Variants in DAB1 observed in about 807,000 individuals in gnomAD.
DAB1 encodes the protein DAB adaptor protein 1.
DAB1 carries 15 observed loss-of-function variants against 64.6 expected under a neutral mutation model. The observed-to-expected ratio is 0.23, with a 90% CI of 0.16 to 0.36. The LOEUF (loss-of-function observed/expected upper bound fraction) is 0.36. Among genes scored for constraint, DAB1 ranks in the 10% least tolerant of loss-of-function variants. The pLI is 1.00. For synonymous variants in DAB1, 235 were observed against 251.9 expected, an observed-to-expected ratio of 0.93 and a Z score of 0.64; for missense variants, 596 against 706.7, an observed-to-expected ratio of 0.84 and a Z score of 1.78.
At chr1:57,426,783 A>G (rs1685300712), upstream of DAB1, among the ~76,000 whole-genome samples, 1 of 152,034 alleles carries the variant, frequency 6.6e-6, no homozygotes, top group Non-Finnish European at 1.5e-5. Context: ...ACTTCTGTCT[A>G]CGTCAAAATT....
chr1:57,466,885 C>G (rs887430805), intron 7 of DAB1, among the ~76,000 whole-genome samples: 27 of 152,206 alleles, frequency 1.8e-4, no homozygotes, highest in Non-Finnish European at 3.7e-4. Context: ...AACTCCTTCT[C>G]ACACTTGAAA....
chr1:57,411,033 A>G (rs1279035502), intron 1 of DAB1, among the ~76,000 whole-genome samples: 1 of 152,210 alleles, frequency 6.6e-6, no homozygotes, highest in South Asian at 2.1e-4. Context: ...TTTGGGGAGA[A>G]AGAGTAAGAG....
At chr1:57,702,497 C>T (rs1467580087) in intron 6 of DAB1, among the ~76,000 whole-genome samples, 2 of 152,088 alleles carry the variant, frequency 1.3e-5, no homozygotes, top group Non-Finnish European at 2.9e-5. Context: ...CTCATAATTT[C>T]CTCTAATACT....
chr1:57,500,012 C>A (rs1644272610), intron 7 of DAB1, among the ~76,000 whole-genome samples: 1 of 152,102 alleles, frequency 6.6e-6, no homozygotes, highest in Non-Finnish European at 1.5e-5. Flanking sequence ...ACATTTAGGG[C>A]AATTACCAGT....
chr1:57,032,815 A>G (rs935246160), intron 9 of DAB1, among the ~76,000 whole-genome samples: 2 of 152,196 alleles, frequency 1.3e-5, no homozygotes, highest in African/African-American at 4.8e-5. Context: ...CTTCTGTATC[A>G]ATCAATTTGA....
At chr1:58,118,732 G>C (rs1041958341) in intron 5 of DAB1, among the ~76,000 whole-genome samples, 1 of 149,738 alleles carries the variant, frequency 6.7e-6, no homozygotes, top group African/African-American at 2.5e-5. Flanking sequence ...AATGAAGTAG[G>C]AACTATTTTT....
At chr1:58,091,984 A>C (rs932857566) in intron 5 of DAB1, among the ~76,000 whole-genome samples, 1 of 150,438 alleles carries the variant, frequency 6.6e-6, no homozygotes, top group African/African-American at 2.5e-5. Context: ...ACATAGCTTA[A>C]GTAGCTTTAA....
intron 2 of DAB1, among the ~76,000 whole-genome samples, chr1:57,195,477 T>G (rs498772): frequency 0.23 from 35,775 of 152,248 alleles, 5,051 homozygotes; most frequent in Non-Finnish European, 0.32. Flanking sequence ...GCTGGCCTTT[T>G]CCCATCATAT....
intron 7 of DAB1, among the ~76,000 whole-genome samples, chr1:57,501,311 G>A (rs1386246853): frequency 6.6e-6 from 1 of 152,228 alleles, no homozygotes; most frequent in Non-Finnish European, 1.5e-5. Flanking sequence ...GTACCCCCGT[G>A]TAGTCAGCAC....
At chr1:57,164,123 A>G (rs1661014843) in intron 2 of DAB1, among the ~76,000 whole-genome samples, 1 of 152,176 alleles carries the variant, frequency 6.6e-6, no homozygotes, top group Non-Finnish European at 1.5e-5. Context: ...AAATGAGGAC[A>G]AGGGAAAGTG....
At chr1:57,922,738 C>T (rs572147070) in intron 5 of DAB1, among the ~76,000 whole-genome samples, 27 of 147,266 alleles carry the variant, frequency 1.8e-4, no homozygotes, top group South Asian at 4.3e-4. Context: ...CCCAGCTACT[C>T]GGGAAGCTGA....
At chr1:57,291,386 T>C (rs1413900093) in intron 1 of DAB1, among the ~76,000 whole-genome samples, 1 of 152,142 alleles carries the variant, frequency 6.6e-6, no homozygotes, top group Non-Finnish European at 1.5e-5. Flanking sequence ...TCAAAATAGA[T>C]CTTTAAAAGT....
At chr1:58,049,639 CTT>C (rs1647498053) in intron 5 of DAB1, among the ~76,000 whole-genome samples, 1 of 152,172 alleles carries the variant, frequency 6.6e-6, no homozygotes, top group African/African-American at 2.4e-5. Context: ...AGATTTGACT[CTT>C]AACTATGTTA....
At chr1:57,307,806 G>T (rs1055540646) in intron 1 of DAB1, among the ~76,000 whole-genome samples, 4 of 151,736 alleles carry the variant, frequency 2.6e-5, no homozygotes, top group African/African-American at 9.7e-5. Context: ...GTTGAATATA[G>T]ACCATACTCT....
At chr1:58,427,103 G>A (rs1262125638) in intron 3 of DAB1, among the ~76,000 whole-genome samples, 1 of 152,136 alleles carries the variant, frequency 6.6e-6, no homozygotes, top group African/African-American at 2.4e-5. Context: ...GGTGGAGTAG[G>A]GTGGAGTAGA....
chr1:58,289,649 A>T (rs532654505), intron 4 of DAB1, among the ~76,000 whole-genome samples: 1 of 152,218 alleles, frequency 6.6e-6, no homozygotes, highest in Non-Finnish European at 1.5e-5. Flanking sequence ...TCTTCTTCCC[A>T]GTGAATATTA....
chr1:57,978,978 G>A (rs900423230), intron 5 of DAB1, among the ~76,000 whole-genome samples: 1 of 152,190 alleles, frequency 6.6e-6, no homozygotes, highest in Non-Finnish European at 1.5e-5. Flanking sequence ...GTATAAATTA[G>A]TTCAACCATT....
At chr1:57,852,161 A>G (rs706412) in intron 1 of DAB1, among the ~76,000 whole-genome samples, 87,763 of 151,996 alleles carry the variant, frequency 0.58, 25,427 homozygotes, top group Admixed American at 0.64. Flanking sequence ...GTCATTCCCT[A>G]ACCTTTTCCC....
At chr1:58,265,330 T>A (rs1276829785) in intron 4 of DAB1, among the ~76,000 whole-genome samples, 1 of 152,194 alleles carries the variant, frequency 6.6e-6, no homozygotes, top group Non-Finnish European at 1.5e-5. Flanking sequence ...TCCTTATTTC[T>A]CTCTCTCAAG....
Sources: gnomAD v4.1 joint callset for allele counts (sites outside exome capture counted in the v4.1 genomes callset) on GRCh38, gnomAD v4.1.1 for gene constraint, MANE v1.5 for transcripts, NCBI Gene and HGNC (gene_info 2026-07-23, HGNC 2026-07-21) for gene names.